CALY: variants seen among roughly 807,000 people sequenced by gnomAD.
CALY encodes the protein calcyon neuron specific vesicular protein.
In CALY, 15 loss-of-function variants were observed where a neutral mutation model predicts 20.2. The ratio of observed to expected loss-of-function variants is 0.74; its 90% CI spans 0.50 to 1.14. The LOEUF (loss-of-function observed/expected upper bound fraction) is 1.14. CALY is among the 50% of genes most tolerant of loss of function. The pLI, the probability that CALY is intolerant of heterozygous loss-of-function variation, is 0.00. For missense variants in CALY, 270 were observed against 304.4 expected (o/e 0.89, Z 0.84); for synonymous variants, 129 against 131.8 (o/e 0.98, Z 0.15).
At chr10:133,328,121 T>C (rs1848244654) in intron 2 of CALY, 106 bp from the exon 3 acceptor site, 1 of 724,596 alleles carries the variant, frequency 1.4e-6, no homozygotes, top group Non-Finnish European at 2.4e-6. Flanking sequence ...GCAGTGGTGT[T>C]GACGCTGACC....
chr10:133,328,726 C>A, intron 2 of CALY, 129 bp downstream of exon 2: 1 of 1,072,242 alleles, frequency 9.3e-7, no homozygotes, highest in South Asian at 1.8e-5. Flanking sequence ...GGGGCTTTGG[C>A]CCCCATGGCC....
chr10:133,335,598 G>A (rs902498608), intron 1 of CALY, among the ~76,000 whole-genome samples: 43 of 152,182 alleles, frequency 2.8e-4, no homozygotes, highest in African/African-American at 9.2e-4. Context: ...GTTGGAAAGG[G>A]GGGACTAGCC....
intron 1 of CALY, among the ~76,000 whole-genome samples, chr10:133,332,022 G>C (rs913093463): frequency 1.3e-5 from 2 of 152,138 alleles, no homozygotes; most frequent in African/African-American, 4.8e-5. Flanking sequence ...AGAATCTCGG[G>C]AGGCTGAGGC....
chr10:133,327,636 A>G, intron 3 of CALY: 3 of 604,824 alleles, frequency 5.0e-6, no homozygotes, highest in Non-Finnish European at 8.9e-6. Flanking sequence ...CAAACAAGCA[A>G]GCAGCACTCG....
chr10:133,331,465 A>G (rs539048534), intron 1 of CALY, among the ~76,000 whole-genome samples: 1 of 152,352 alleles, frequency 6.6e-6, no homozygotes, highest in South Asian at 2.1e-4. Flanking sequence ...TTACATTCCT[A>G]TATGTCAGTG....
At chr10:133,326,802 C>T in intron 4 of CALY, 76 bp downstream of exon 4, 1 of 921,996 alleles carries the variant, frequency 1.1e-6, no homozygotes, top group Non-Finnish European at 1.7e-6. Context: ...CAGGAGACAC[C>T]CCTGCCACCC....
In CALY at chr10:133,326,886, G is replaced by A. The variant is rs147705683; in HGVS notation, c.352C>T (p.Leu118=). 1,012 of 1,605,204 alleles carry A rather than the reference G, an allele frequency of 6.3e-4. 1 individual carries two copies. Among genetic ancestry groups the A allele is most frequent in the East Asian group, 2.3e-3 (104 of 44,572 alleles). The part of the protein sequence containing the change: ...YDQFTCPDGF[L]LRHKICTPLT... ...AGCCCTGGCCCCCTTACCCGCAGCA[G>A]GAAGCCGTCGGGGCAGGTGAACTGG... Residue 118 remains leucine (L), a synonymous_variant, in exon 4 of 6, where the codon CTG becomes TTG. Coordinates refer to ENST00000252939, the MANE Select transcript of CALY (RefSeq NM_015722.4).
At chr10:133,326,792 C>A in intron 4 of CALY, 86 bp downstream of exon 4, 1 of 797,462 alleles carries the variant, frequency 1.3e-6, no homozygotes. Context: ...CCCCCAGCAG[C>A]AGGAGACACC....
chr10:133,327,001 G>A lies in CALY; in HGVS notation c.247-10C>T. On this transcript the variant is annotated splice_polypyrimidine_tract_variant and intron_variant, in intron 3 of 5. Transcript: ENST00000252939. ...TCCGTGCGGTGGGCAGCTGGCAGGA[G>A]GGCAGAGAGGGGCTCAGCCACGCCA... 6.3e-7 allele frequency: 1 copy of A among 1,579,180 alleles called. No homozygotes were observed. Among genetic ancestry groups the A allele is most frequent in the South Asian group, 1.1e-5 (1 of 87,700 alleles).
At chr10:133,331,230 C>T (rs781286642) in intron 1 of CALY, among the ~76,000 whole-genome samples, 2 of 152,188 alleles carry the variant, frequency 1.3e-5, no homozygotes, top group Non-Finnish European at 2.9e-5. Context: ...CTGAAAGTGC[C>T]TCGATCTGCG....
At chr10:133,329,376 CCTTCTTCTT>C (rs148539604) in intron 1 of CALY, among the ~76,000 whole-genome samples, 1 of 142,704 alleles carries the variant, frequency 7.0e-6, no homozygotes, top group East Asian at 2.1e-4. Context: ...TTCTTATTCT[CCTTCTTCTT>C]CTTCTTCTTT....
intron 1 of CALY, among the ~76,000 whole-genome samples, chr10:133,335,499 G>A (rs1001834640): frequency 3.3e-5 from 5 of 152,198 alleles, no homozygotes; most frequent in African/African-American, 1.2e-4. Context: ...AGACAGGCCC[G>A]AGACGCGTCT....
At chr10:133,333,622 C>G (rs1848360620) in intron 1 of CALY, among the ~76,000 whole-genome samples, 1 of 147,634 alleles carries the variant, frequency 6.8e-6, no homozygotes, top group African/African-American at 2.5e-5. Context: ...AGAGGGAGGG[C>G]TCTGAGGGGG....
At chr10:133,328,556 G>T (rs570938885) in intron 2 of CALY, among the ~76,000 whole-genome samples, 1 of 152,356 alleles carries the variant, frequency 6.6e-6, no homozygotes, top group African/African-American at 2.4e-5. Context: ...GAGGGGAAGG[G>T]TGGGAAGCGT....
At chr10:133,327,065 G>A in intron 3 of CALY, 74 bp from the exon 4 acceptor site, 1 of 1,003,310 alleles carries the variant, frequency 1.0e-6, no homozygotes, top group Non-Finnish European at 1.5e-6. Flanking sequence ...TCAGGGGCTG[G>A]GCTGGCACAG....
chr10:133,327,413 G>A (rs1019744288), intron 3 of CALY: 2 of 504,564 alleles, frequency 4.0e-6, no homozygotes, highest in Admixed American at 3.7e-5. Context: ...AGACTGGAAC[G>A]TGAGGCCAGG....
intron 1 of CALY, among the ~76,000 whole-genome samples, chr10:133,330,657 CAAAAAAA>C (rs58004815): frequency 2.2e-5 from 1 of 44,846 alleles, no homozygotes; most frequent in Admixed American, 3.6e-4. Flanking sequence ...GACTCCGTCT[CAAAAAAA>C]AAAAAAAAAG....
intron 2 of CALY, 147 bp downstream of exon 2, chr10:133,328,708 G>T: frequency 1.1e-6 from 1 of 912,550 alleles, no homozygotes; most frequent in Non-Finnish European, 1.6e-6. Flanking sequence ...GAGTGCCCAT[G>T]GCCAGCTGGG....
Position 133,325,509 on chromosome 10 carries a change from C to A in CALY, c.*86G>T. On this transcript the variant is annotated 3_prime_UTR_variant, in exon 6 of 6. Coordinates refer to ENST00000252939, the MANE Select transcript of CALY (RefSeq NM_015722.4). ...GGGCTGCAGCGAGGGCGCCTGGGGA[C>A]ACGAACACGGCGGAGAGCATCGGGA... 1 of 221,292 alleles carries A rather than the reference C, an allele frequency of 4.5e-6. No individual in the cohort carries two copies. The allele number at this position is 221,292 out of a possible 1,614,324, so 13.7% of individuals were successfully genotyped here.
Sources: allele counts gnomAD v4.1 joint callset (sites outside exome capture counted in the v4.1 genomes callset), GRCh38; gene constraint gnomAD v4.1.1; transcripts MANE v1.5; gene names NCBI Gene and HGNC (gene_info 2026-07-23, HGNC 2026-07-21).